PPARD: variants seen among roughly 807,000 people sequenced by gnomAD.
The protein encoded by PPARD is peroxisome proliferator activated receptor delta, also known as peroxisome proliferator-activated receptor delta.
A neutral mutation model predicts 39.5 loss-of-function variants in PPARD; 6 were observed. The ratio of observed to expected loss-of-function variants is 0.15; its 90% CI spans 0.08 to 0.30. PPARD has a LOEUF of 0.30. PPARD is among the 10% of genes least tolerant of loss of function. The pLI is 1.00. For synonymous variants in PPARD, 210 were observed against 231.3 expected, an observed-to-expected ratio of 0.91 and a Z score of 0.83; for missense variants, 397 against 596.8, an observed-to-expected ratio of 0.67 and a Z score of 3.49.
chr6:35,402,347 G>A (rs560740915), intron 2 of PPARD, among the ~76,000 whole-genome samples: 29 of 152,290 alleles, frequency 1.9e-4, no homozygotes, highest in East Asian at 1.4e-3. Flanking sequence ...CAGTGGCTGC[G>A]GTCAGAGGTG....
chr6:35,409,986 A>G (rs1765321148), intron 2 of PPARD, among the ~76,000 whole-genome samples: 1 of 152,156 alleles, frequency 6.6e-6, no homozygotes, highest in Non-Finnish European at 1.5e-5. Context: ...AGGGAGAGAG[A>G]GCAGAAGGAG....
chr6:35,384,119 C>G (rs1314883258), intron 2 of PPARD, among the ~76,000 whole-genome samples: 1 of 145,790 alleles, frequency 6.9e-6, no homozygotes, highest in Non-Finnish European at 1.5e-5. Flanking sequence ...GCCAGCCGCC[C>G]CGTCCGGGAG....
intron 2 of PPARD, among the ~76,000 whole-genome samples, chr6:35,387,828 T>A (rs1207401353): frequency 2.7e-5 from 4 of 150,436 alleles, no homozygotes; most frequent in Non-Finnish European, 5.9e-5. Flanking sequence ...CTCAAGCGAT[T>A]CTCCTGCCTC....
At chr6:35,385,198 G>A (rs1308452961) in intron 2 of PPARD, among the ~76,000 whole-genome samples, 4 of 147,402 alleles carry the variant, frequency 2.7e-5, no homozygotes, top group Admixed American at 6.7e-5. Context: ...TAGAAAGGCG[G>A]GAAAGGTGGG....
At position 35,425,932 on chromosome 6, in the gene PPARD, G is replaced by C. The variant is rs375904553; in HGVS notation, c.1179G>C (p.Gln393His). Residue 393 changes from glutamine (Q) to histidine (H), a missense_variant, in exon 8 of 8, where the codon CAG becomes CAC. Gln to His is a conservative substitution (Grantham distance 24). Transcript: ENST00000360694. The surrounding 1 kb of genome is among the most constrained non-coding windows in gnomAD (Gnocchi z 4.5). ...FHLQANHPDA[Q>H]YLFPKLLQKM... The stretch of plus-strand genomic sequence containing the variant: ...TGCAGGCCAACCACCCTGATGCCCA[G>C]TACCTCTTCCCCAAGCTGCTGCAGA... 3.1e-6 allele frequency: 5 copies of C among 1,614,016 alleles called. No homozygotes were observed. The highest frequency in any genetic ancestry group is 4.2e-6 in the Non-Finnish European group (5 of 1,180,020).
chr6:35,403,388 TGGGA>T (rs1335481844), intron 2 of PPARD, among the ~76,000 whole-genome samples: 1 of 152,046 alleles, frequency 6.6e-6, no homozygotes, highest in East Asian at 1.9e-4. Flanking sequence ...AGTCATAGGA[TGGGA>T]GGGATGAGCC....
chr6:35,366,764 G>A lies in PPARD; in HGVS notation c.-102+19614G>A, dbSNP rs1762227570. On this transcript the variant is annotated intron_variant, in intron 2 of 7. Transcript: ENST00000360694. The surrounding 1 kb of genome is among the most constrained non-coding windows in gnomAD (Gnocchi z 4.6). ...GGGGTTTCACGGTGTTGGCCAGGCT[G>A]GTCTTGAACTCCTGGCCTCAAGTAA... Among the ~76,000 whole-genome samples the A allele has an allele frequency of 2.0e-5, 3 of 152,124 alleles. No homozygotes were observed. In the South Asian group the frequency reaches 6.2e-4, roughly 31 times the overall value.
chr6:35,370,574 C>A (rs1762431787), intron 2 of PPARD, among the ~76,000 whole-genome samples: 1 of 152,186 alleles, frequency 6.6e-6, no homozygotes, highest in African/African-American at 2.4e-5. Context: ...GTAAACGCTT[C>A]ATGAGTCACC....
At chr6:35,348,845 G>A (rs1761044583) in intron 2 of PPARD, 1 of 985,276 alleles carries the variant, frequency 1.0e-6, no homozygotes, top group South Asian at 4.7e-5. Flanking sequence ...CAAGAGGGAA[G>A]AGGTCAAAGT....
intron 2 of PPARD, among the ~76,000 whole-genome samples, chr6:35,369,494 C>T (rs9658081): frequency 0.048 from 7,324 of 152,284 alleles, 355 homozygotes; most frequent in African/African-American, 0.12. Flanking sequence ...CCAAGACTAC[C>T]ACTCATCTGC....
rs565804716 is a variant in PPARD, at chr6:35,369,099, T to C, written c.-102+21949T>C. Among the ~76,000 whole-genome samples, 4 of 152,312 alleles carry C rather than the reference T, an allele frequency of 2.6e-5. No individual in the cohort carries two copies. The South Asian group carries it at 6.2e-4, about 24-fold the overall frequency. On this transcript the variant is annotated intron_variant, in intron 2 of 7. Transcript: ENST00000360694. The stretch of plus-strand genomic sequence containing the variant: ...TGGATAATTTGGTTTGCCAGTTAAA[T>C]AAACTTCTATATTTTAGAATATTTG...
At chr6:35,409,370 T>C (rs1411761975) in intron 2 of PPARD, among the ~76,000 whole-genome samples, 2 of 151,802 alleles carry the variant, frequency 1.3e-5, no homozygotes, top group East Asian at 3.9e-4. Context: ...GCTGGTGTGG[T>C]AGTGCACACC....
intron 5 of PPARD, 108 bp from the exon 6 acceptor site, chr6:35,423,838 G>T: frequency 2.0e-6 from 2 of 1,012,364 alleles, no homozygotes; most frequent in Non-Finnish European, 2.9e-6. Flanking sequence ...GCTTCTGGGG[G>T]CCTTAGGCTC....
chr6:35,404,774 C>G (rs975235158), intron 2 of PPARD, among the ~76,000 whole-genome samples: 1 of 152,202 alleles, frequency 6.6e-6, no homozygotes, highest in Non-Finnish European at 1.5e-5. Flanking sequence ...CTCTAGAGCT[C>G]TGGGCCATTT....
intron 2 of PPARD, among the ~76,000 whole-genome samples, chr6:35,402,578 T>C (rs1486225628): frequency 6.6e-6 from 1 of 152,144 alleles, no homozygotes; most frequent in Non-Finnish European, 1.5e-5. Context: ...ATGGGAAGAA[T>C]TGTGGAATGC....
In PPARD at chr6:35,425,259, G is replaced by A; in HGVS notation, c.1078+480G>A. The A allele has an allele frequency of 2.0e-6, 2 of 1,001,760 alleles. No homozygotes were observed. Among genetic ancestry groups the A allele is most frequent in the Non-Finnish European group, 1.2e-6 (1 of 837,096 alleles). The allele number at this position is 1,001,760 out of a possible 1,614,324, so 62.1% of individuals were successfully genotyped here. On this transcript the variant is annotated intron_variant, in intron 7 of 7. Coordinates refer to ENST00000360694, the MANE Select transcript of PPARD (RefSeq NM_006238.5). The surrounding 1 kb of genome is among the most constrained non-coding windows in gnomAD (Gnocchi z 4.5). Reference sequence around the variant, plus strand: ...ACTGCACTCCAGCCTGGGTGACAGAGTGAGACCCTGTCTCAAAAAAAAGGA... The same window carrying A: ...ACTGCACTCCAGCCTGGGTGACAGAATGAGACCCTGTCTCAAAAAAAAGGA...
chr6:35,422,023 G>T, intron 5 of PPARD, 65 bp downstream of exon 5: 1 of 1,518,880 alleles, frequency 6.6e-7, no homozygotes, highest in Non-Finnish European at 8.8e-7. Context: ...AAGGTCCAGG[G>T]AGCCCTTGGG....
intron 3 of PPARD, among the ~76,000 whole-genome samples, chr6:35,413,460 A>C (rs895067851): frequency 3.3e-5 from 5 of 152,244 alleles, no homozygotes; most frequent in African/African-American, 9.6e-5. Context: ...AAAAGTTCCC[A>C]AAAATTCTAC....
At chr6:35,365,130 CTT>C (rs551946022) in intron 2 of PPARD, among the ~76,000 whole-genome samples, 13 of 121,052 alleles carry the variant, frequency 1.1e-4, no homozygotes, top group East Asian at 2.5e-4. Context: ...CTTCCTTATT[CTT>C]TTTTTTTTTT....
Sources: allele counts gnomAD v4.1 joint callset (sites outside exome capture counted in the v4.1 genomes callset), GRCh38; gene constraint gnomAD v4.1.1; non-coding constraint Gnocchi (gnomAD v3.1); transcripts MANE v1.5; gene names NCBI Gene and HGNC (gene_info 2026-07-23, HGNC 2026-07-21).